Variants in ZNF680 observed in about 807,000 individuals in gnomAD.
The protein encoded by ZNF680 is zinc finger protein 680.
A neutral mutation model predicts 12.1 loss-of-function variants in ZNF680; 6 were observed. The observed-to-expected ratio is 0.49, with a 90% CI of 0.27 to 0.98. ZNF680 has a LOEUF of 0.98. Ranked by LOEUF, ZNF680 falls within the 50% of genes least tolerant of loss-of-function variation. ZNF680 has a pLI of 0.12. For synonymous variants in ZNF680, 170 were observed against 199.3 expected (o/e 0.85, Z 1.24); for missense variants, 561 against 616.3 (o/e 0.91, Z 0.95).
chr7:64,519,484 G>C (rs73128759), downstream of ZNF680, among the ~76,000 whole-genome samples: 34,170 of 151,474 alleles, frequency 0.23, 4,049 homozygotes, highest in South Asian at 0.29. Context: ...CCCACTACTG[G>C]GTATCTATCC....
intron 1 of ZNF680, 118 bp from the exon 2 acceptor site, chr7:64,544,550 C>A: frequency 6.9e-7 from 1 of 1,456,560 alleles, no homozygotes; most frequent in South Asian, 1.4e-5. Context: ...AAAACTGATT[C>A]TGACTTACAG....
intron 3 of ZNF680, among the ~76,000 whole-genome samples, 189 bp from the exon 4 acceptor site, chr7:64,522,689 CA>C (rs1791612067): frequency 6.7e-6 from 1 of 149,748 alleles, no homozygotes; most frequent in Non-Finnish European, 1.5e-5. Flanking sequence ...AGGATACACA[CA>C]ATGATATTTA....
In ZNF680 at chr7:64,520,529, G is replaced by A. The variant is rs1359428411; in HGVS notation, c.*632C>T. ...TAATATTTACATAGACTCAATTTTG[G>A]ATTAAATATTTTTCATACTTACTGC... On this transcript the variant is annotated 3_prime_UTR_variant, in exon 4 of 4. Transcript: ENST00000309683. The A allele has an allele frequency of 6.6e-6, 1 of 151,370 alleles. No individual in the cohort carries two copies. The highest frequency in any genetic ancestry group is 2.4e-5 in the African/African-American group (1 of 41,268). 9.4% of individuals were successfully genotyped at this position (151,370 alleles called of 1,614,324 possible).
rs1372605473 is a variant in ZNF680, at chr7:64,522,528, A to C, written c.254-28T>G. ...GAAAGACATAAAAGTAACAAATTACACCACTTCCTAGACTCAGATGAATAT... is the reference window on the plus strand; with the variant it reads ...GAAAGACATAAAAGTAACAAATTACCCCACTTCCTAGACTCAGATGAATAT... On this transcript the variant is annotated intron_variant, in intron 3 of 3. Transcript: ENST00000309683. 4 of 1,391,268 alleles carry C rather than the reference A, an allele frequency of 2.9e-6. No homozygotes were observed. The South Asian group carries it at 8.6e-5, about 30-fold the overall frequency. The allele number at this position is 1,391,268 out of a possible 1,614,324, so 86.2% of individuals were successfully genotyped here.
At position 64,521,938 on chromosome 7, in the gene ZNF680, G is replaced by C; in HGVS notation, c.816C>G (p.Gly272=). Residue 272 remains glycine, a synonymous_variant, in exon 4 of 4, where the codon GGC becomes GGG. Transcript: ENST00000309683. The stretch of plus-strand genomic sequence containing the variant: ...GGATTGAGAATAAACTAAAGGCTTT[G>C]CCACATTCTTCACATTTGAAGGGTT... ...EEKPFKCEEC[G]KAFSLFSILS... 1.2e-6 allele frequency: 2 copies of C among 1,612,900 alleles called. No homozygotes were observed. The highest frequency in any genetic ancestry group is 1.1e-5 in the South Asian group (1 of 91,022).
intron 2 of ZNF680, 178 bp downstream of exon 2, chr7:64,544,128 G>T: frequency 1.2e-6 from 1 of 865,208 alleles, no homozygotes; most frequent in Non-Finnish European, 1.7e-6. Context: ...GGAAAGTTCA[G>T]GTCAAGATGA....
At chr7:64,557,452 G>C (rs1283272643) in intron 1 of ZNF680, among the ~76,000 whole-genome samples, 1 of 151,926 alleles carries the variant, frequency 6.6e-6, no homozygotes, top group Admixed American at 6.6e-5. Context: ...CTACTCAGGA[G>C]GCTGAGGCTG....
chr7:64,544,086 A>G (rs1031909303), intron 2 of ZNF680: 17 of 653,948 alleles, frequency 2.6e-5, no homozygotes, highest in Non-Finnish European at 4.1e-5. Flanking sequence ...CCACTAATCT[A>G]GAGTGAAGGA....
At chr7:64,507,960 C>T in the ZNF680 span, among the ~76,000 whole-genome samples, 2 of 150,622 alleles carry the variant, frequency 1.3e-5, no homozygotes, top group South Asian at 2.1e-4. Flanking sequence ...GAACCCAACA[C>T]TCAAGAATAA....
At chr7:64,508,521 G>C in the ZNF680 span, among the ~76,000 whole-genome samples, 34,253 of 151,838 alleles carry the variant, frequency 0.23, 4,030 homozygotes, top group South Asian at 0.28. Context: ...CTGTACACTC[G>C]CTACGTGACT....
At chr7:64,554,101 A>G (rs1416861548) in intron 1 of ZNF680, among the ~76,000 whole-genome samples, 1 of 143,860 alleles carries the variant, frequency 7.0e-6, no homozygotes, top group Non-Finnish European at 1.5e-5. Flanking sequence ...GGAAGTGAGG[A>G]GCGCCTCTTC....
In ZNF680 at chr7:64,525,771, A is replaced by T. The variant is rs548241088; in HGVS notation, c.254-3271T>A. 46 of 968,834 alleles carry T rather than the reference A, an allele frequency of 4.7e-5. 1 individual carries two copies. In the East Asian group the frequency reaches 3.8e-3, roughly 80 times the overall value. 60.0% of individuals were successfully genotyped at this position (968,834 alleles called of 1,614,324 possible). ...TAGAAAAGTTTTTCTCCCACACAAA[A>T]ATAATATAGATCCATGAATAAATAG... On this transcript the variant is annotated intron_variant, in intron 3 of 3. Coordinates refer to ENST00000309683, the MANE Select transcript of ZNF680 (RefSeq NM_178558.5).
intron 1 of ZNF680, among the ~76,000 whole-genome samples, chr7:64,553,385 C>G (rs191941280): frequency 6.6e-6 from 1 of 152,292 alleles, no homozygotes; most frequent in East Asian, 1.9e-4. Flanking sequence ...TAATAGCCTT[C>G]CTTATTTTCA....
chr7:64,522,654 T>A (rs191575113), intron 3 of ZNF680, among the ~76,000 whole-genome samples, 154 bp from the exon 4 acceptor site: 2 of 149,254 alleles, frequency 1.3e-5, no homozygotes, highest in African/African-American at 2.5e-5. Context: ...AAAAGTTATG[T>A]ACAAATGAAG....
intron 1 of ZNF680, among the ~76,000 whole-genome samples, chr7:64,553,819 T>C (rs1311123641): frequency 6.6e-6 from 1 of 152,166 alleles, no homozygotes; most frequent in Non-Finnish European, 1.5e-5. Context: ...GCTCCTGACC[T>C]CAAGTGATCT....
At chr7:64,512,345 C>T in the ZNF680 span, among the ~76,000 whole-genome samples, 1 of 150,302 alleles carries the variant, frequency 6.7e-6, no homozygotes, top group Non-Finnish European at 1.5e-5. Flanking sequence ...CCCAGCTACT[C>T]AGGAGGCTGA....
At chr7:64,525,850 C>G (rs997663625) in intron 3 of ZNF680, 5 of 984,750 alleles carry the variant, frequency 5.1e-6, no homozygotes, top group Non-Finnish European at 6.0e-6. Context: ...GATTAAATAA[C>G]CATTTGCAAC....
chr7:64,519,059 CAG>C (rs1791413285), downstream of ZNF680, among the ~76,000 whole-genome samples: 1 of 151,966 alleles, frequency 6.6e-6, no homozygotes, highest in South Asian at 2.1e-4. Flanking sequence ...AGACAACCCA[CAG>C]AGTGAGATAA....
At chr7:64,501,622 A>G in the ZNF680 span, 3 of 792,416 alleles carry the variant, frequency 3.8e-6, no homozygotes, top group Non-Finnish European at 6.7e-6. Context: ...CTGGATGATG[A>G]TGATAATGAA....
Sources: gnomAD v4.1 joint callset for allele counts (sites outside exome capture counted in the v4.1 genomes callset) on GRCh38, gnomAD v4.1.1 for gene constraint, MANE v1.5 for transcripts, NCBI Gene and HGNC (gene_info 2026-07-23, HGNC 2026-07-21) for gene names.